CD5: variants seen among roughly 807,000 people sequenced by gnomAD.
The protein encoded by CD5 is T-cell surface glycoprotein CD5.
Under a neutral mutation model 60.3 loss-of-function variants are expected in CD5, and 36 were observed. The ratio of observed to expected loss-of-function variants is 0.60; its 90% CI spans 0.46 to 0.79. CD5 has a LOEUF of 0.79. Among genes scored for constraint, CD5 ranks in the 30% least tolerant of loss-of-function variants. CD5 has a pLI of 0.00. For missense variants in CD5, 540 were observed against 630.6 expected (o/e 0.86, Z 1.54); for synonymous variants, 230 against 257.6 (o/e 0.89, Z 1.03).
At chr11:61,112,974 A>G (rs539802957) in intron 1 of CD5, among the ~76,000 whole-genome samples, 9 of 152,294 alleles carry the variant, frequency 5.9e-5, no homozygotes, top group Non-Finnish European at 1.0e-4. Flanking sequence ...GGGTCTTGCT[A>G]TGTTGTCCAG....
At chr11:61,122,583 T>C (rs1861083930) in intron 6 of CD5, among the ~76,000 whole-genome samples, 1 of 150,776 alleles carries the variant, frequency 6.6e-6, no homozygotes, top group Non-Finnish European at 1.5e-5. Flanking sequence ...TATGCAATCA[T>C]ATATTGGTTT....
upstream of CD5, among the ~76,000 whole-genome samples, chr11:61,099,803 G>A (rs1372064527): frequency 6.9e-6 from 1 of 144,202 alleles, no homozygotes; most frequent in African/African-American, 2.6e-5. Flanking sequence ...TATCAAATGG[G>A]GATTACACAC....
chr11:61,119,187 C>G, intron 4 of CD5, 47 bp from the exon 5 acceptor site: 2 of 1,490,176 alleles, frequency 1.3e-6, no homozygotes, highest in Middle Eastern at 1.8e-4. Flanking sequence ...GCCCAGGAAG[C>G]CCTCGGCGCT....
Position 61,121,814 on chromosome 11 carries a change from TC to T in CD5, c.1012del (p.Arg338GlyfsTer68), listed in dbSNP as rs773766863. The T allele has an allele frequency of 6.5e-5, 105 of 1,608,438 alleles. No individual in the cohort carries two copies. The highest frequency in any genetic ancestry group is 8.8e-5 in the Non-Finnish European group (103 of 1,176,060). On this transcript the variant is annotated frameshift_variant, in exon 6 of 11. Coordinates refer to ENST00000347785, the MANE Select transcript of CD5 (RefSeq NM_014207.4). LOFTEE classifies it high-confidence loss of function. ...YRVLDAGDPTSRGLFCPHQKL... is the reference protein window; with the variant it reads ...YRVLDAGDPTXRGLFCPHQKL... ...AGTGCTGGACGCTGGTGACCCAACA[TC>T]CCGGGGGCTCTTCTGTCCCCATCAG...
chr11:61,099,431 C>T (rs1322727287), upstream of CD5, among the ~76,000 whole-genome samples: 32 of 61,464 alleles, frequency 5.2e-4, no homozygotes, highest in East Asian at 0.011. Context: ...ACATGGAGAT[C>T]ACACACACAC....
Position 61,122,906 on chromosome 11 carries a change from G to C in CD5, c.1100-1G>C. The C allele has an allele frequency of 3.1e-6, 5 of 1,611,688 alleles. No individual in the cohort carries two copies. Among genetic ancestry groups the C allele is most frequent in the Non-Finnish European group, 3.4e-6 (4 of 1,178,370 alleles). On this transcript the variant is annotated splice_acceptor_variant, in intron 6 of 10. Transcript: ENST00000347785. LOFTEE classifies it high-confidence loss of function. Reference sequence around the variant, plus strand: ...TGACCTAACTCTTCCTCCTTCCCCAGGCCAGGATCCAAACCCCGCAGGCCT... The same window carrying C: ...TGACCTAACTCTTCCTCCTTCCCCACGCCAGGATCCAAACCCCGCAGGCCT...
the CD5 span, among the ~76,000 whole-genome samples, chr11:61,094,678 G>C: frequency 6.6e-6 from 1 of 152,216 alleles, no homozygotes; most frequent in Admixed American, 6.5e-5. Context: ...TTTGTTTTGT[G>C]GTGTGAGCAT....
chr11:61,118,831 G>A lies in CD5; in HGVS notation c.401-84G>A. 1 of 931,712 alleles carries A rather than the reference G, an allele frequency of 1.1e-6. No individual in the cohort carries two copies. The highest frequency in any genetic ancestry group is 1.7e-6 in the Non-Finnish European group (1 of 584,008). The allele number at this position is 931,712 out of a possible 1,614,324, so 57.7% of individuals were successfully genotyped here. On this transcript the variant is annotated intron_variant, in intron 3 of 10. Coordinates refer to ENST00000347785, the MANE Select transcript of CD5 (RefSeq NM_014207.4). The surrounding 1 kb of genome is among the most constrained non-coding windows in gnomAD (Gnocchi z 4.7). ...GTGCCAAGCGGCACTCATGCCAGGA[G>A]CTCCTGGTCCTCTCAAGGCTGCTGG...
intron 2 of CD5, among the ~76,000 whole-genome samples, chr11:61,116,534 CCACACCACACACACACACCACA>C (rs1860952564): frequency 1.2e-5 from 1 of 84,884 alleles, no homozygotes; most frequent in African/African-American, 4.9e-5. Context: ...CACACACACC[CCACACCACACACACACACCACA>C]CACACCACAC....
rs966365747 is a variant in CD5, at chr11:61,102,624, C to A, written c.55+9C>A. On this transcript the variant is annotated intron_variant, in intron 1 of 10. Coordinates refer to ENST00000347785, the MANE Select transcript of CD5 (RefSeq NM_014207.4). ...CCTGCTGGGGATGCTGGGTGAGTAC[C>A]CCTCCCAGGTGTCCTGCGAACACCC... 9.5e-6 allele frequency: 15 copies of A among 1,582,682 alleles called. No individual in the cohort carries two copies. Among genetic ancestry groups the A allele is most frequent in the Middle Eastern group, 1.7e-4 (1 of 6,038 alleles).
At chr11:61,120,069 G>A (rs963806642) in intron 5 of CD5, among the ~76,000 whole-genome samples, 1 of 152,120 alleles carries the variant, frequency 6.6e-6, no homozygotes, top group African/African-American at 2.4e-5. Context: ...GAGAAACAGA[G>A]ACAGCCCCCA....
rs753899214 is a variant in CD5 at position 61,118,867 on chromosome 11, C to T, written c.401-48C>T. On this transcript the variant is annotated intron_variant, in intron 3 of 10. Coordinates refer to ENST00000347785, the MANE Select transcript of CD5 (RefSeq NM_014207.4). The surrounding 1 kb of genome is among the most constrained non-coding windows in gnomAD (Gnocchi z 4.7). ...TCTCAAGGCTGCTGGCTGCCCCCGG[C>T]CCTCCCCACACCACCCATTCCTCCC... The T allele has an allele frequency of 1.9e-5, 27 of 1,427,102 alleles. 1 individual carries two copies. The South Asian group carries it at 3.1e-4, about 16-fold the overall frequency. 88.4% of individuals were successfully genotyped at this position (1,427,102 alleles called of 1,614,324 possible).
rs747421700 is a variant in CD5, at chr11:61,119,269, G to A, written c.499G>A (p.Gly167Ser). The A allele has an allele frequency of 4.7e-5, 76 of 1,612,412 alleles. No homozygotes were observed. Among genetic ancestry groups the A allele is most frequent in the Non-Finnish European group, 6.0e-5 (71 of 1,179,408 alleles). Residue 167 changes from glycine (G) to serine (S), a missense_variant, in exon 5 of 11, where the codon GGC (glycine) becomes AGC (serine). Gly to Ser is a moderately conservative substitution (Grantham distance 56). Coordinates refer to ENST00000347785, the MANE Select transcript of CD5 (RefSeq NM_014207.4). ...GCTGCAGCTGGTGGCACAGTCTGGCGGCCAGCACTGTGCCGGCGTGGTGGA... is the reference window on the plus strand; with the variant it reads ...GCTGCAGCTGGTGGCACAGTCTGGCAGCCAGCACTGTGCCGGCGTGGTGGA... ...PRLQLVAQSG[G>S]QHCAGVVEFY...
chr11:61,116,433 C>A (rs1860946949), intron 2 of CD5, among the ~76,000 whole-genome samples: 1 of 141,048 alleles, frequency 7.1e-6, no homozygotes, highest in African/African-American at 2.7e-5. Context: ...ACAACCACAC[C>A]ACACACACAC....
chr11:61,106,128 A>AT (rs1297244667), intron 1 of CD5, among the ~76,000 whole-genome samples: 2 of 141,118 alleles, frequency 1.4e-5, no homozygotes, highest in East Asian at 3.9e-4. Flanking sequence ...CCATCTCAAA[A>AT]AAAAAAAAAA....
At chr11:61,116,684 C>G (rs557119240) in intron 2 of CD5, among the ~76,000 whole-genome samples, 5 of 141,974 alleles carry the variant, frequency 3.5e-5, no homozygotes, top group African/African-American at 1.3e-4. Context: ...ACACACTACA[C>G]ACACCACATA....
chr11:61,103,261 T>C (rs1450175225), intron 1 of CD5, among the ~76,000 whole-genome samples: 1 of 152,214 alleles, frequency 6.6e-6, no homozygotes, highest in Non-Finnish European at 1.5e-5. Flanking sequence ...CCCAACCCTG[T>C]GTGACCTCGG....
At chr11:61,105,148 C>G (rs557949824) in intron 1 of CD5, among the ~76,000 whole-genome samples, 7 of 152,338 alleles carry the variant, frequency 4.6e-5, no homozygotes, top group Non-Finnish European at 8.8e-5. Context: ...ATGAAGATGC[C>G]CCCAGCAGGC....
At chr11:61,100,924 A>ATT (rs1277550946), upstream of CD5, among the ~76,000 whole-genome samples, 1 of 145,260 alleles carries the variant, frequency 6.9e-6, no homozygotes, top group African/African-American at 2.7e-5. Flanking sequence ...TGGAGATCAC[A>ATT]CACACACATC....
Sources: gnomAD v4.1 joint callset for allele counts (sites outside exome capture counted in the v4.1 genomes callset) on GRCh38, gnomAD v4.1.1 for gene constraint, Gnocchi (gnomAD v3.1) non-coding constraint, MANE v1.5 for transcripts, NCBI Gene and HGNC (gene_info 2026-07-23, HGNC 2026-07-21) for gene names.